VPS13B: variants seen among roughly 807,000 people sequenced by gnomAD.
VPS13B encodes intermembrane lipid transfer protein VPS13B.
In VPS13B, 285 loss-of-function variants were observed where a neutral mutation model predicts 426.4. The ratio of observed to expected loss-of-function variants is 0.67; its 90% CI spans 0.61 to 0.74. VPS13B has a LOEUF of 0.74. Ranked by LOEUF, VPS13B falls within the 30% of genes least tolerant of loss-of-function variation. The pLI is 0.00. For synonymous variants in VPS13B, 1,676 were observed against 1,676.4 expected (o/e 1.00, Z 0.01); for missense variants, 4,537 against 4,782.6 (o/e 0.95, Z 1.51).
intron 33 of VPS13B, among the ~76,000 whole-genome samples, chr8:99,589,625 T>C (rs941732662): frequency 1.3e-4 from 20 of 151,884 alleles, no homozygotes; most frequent in Non-Finnish European, 2.6e-4. Context: ...TTTCGGTTGG[T>C]TCCAAGTCTT....
intron 17 of VPS13B, among the ~76,000 whole-genome samples, chr8:99,215,410 G>A (rs1456333390): frequency 6.6e-6 from 1 of 152,282 alleles, no homozygotes; most frequent in Admixed American, 6.5e-5. Context: ...ATTCTTATCT[G>A]TGTCTAAAGT....
At chr8:99,060,977 C>T (rs940606394) in intron 3 of VPS13B, among the ~76,000 whole-genome samples, 1 of 152,118 alleles carries the variant, frequency 6.6e-6, no homozygotes, top group African/African-American at 2.4e-5. Flanking sequence ...GGGGTTGTAA[C>T]AGAAGTGCAA....
In VPS13B at chr8:99,611,276, G is replaced by A. The variant is rs1353355036; in HGVS notation, c.5221-30535G>A. Among the ~76,000 whole-genome samples, 3 of 152,100 alleles carry A rather than the reference G, an allele frequency of 2.0e-5. No homozygotes were observed. In the East Asian group the frequency reaches 5.8e-4, roughly 29 times the overall value. Reference sequence around the variant, plus strand: ...ATATAATAGACAGGAAATAAATTAAGTAGAGATATTTAGCTGGTTGAAATC... The same window carrying A: ...ATATAATAGACAGGAAATAAATTAAATAGAGATATTTAGCTGGTTGAAATC... On this transcript the variant is annotated intron_variant, in intron 33 of 61. Coordinates refer to ENST00000357162, the MANE Select transcript of VPS13B (RefSeq NM_152564.5).
chr8:99,683,514 T>G (rs933436680), intron 35 of VPS13B, among the ~76,000 whole-genome samples: 3 of 152,208 alleles, frequency 2.0e-5, no homozygotes, highest in Non-Finnish European at 4.4e-5. Flanking sequence ...TTTATGTTGG[T>G]CTTTTAAAAT....
intron 33 of VPS13B, among the ~76,000 whole-genome samples, chr8:99,625,219 G>A (rs1426374635): frequency 6.6e-6 from 1 of 152,014 alleles, no homozygotes; most frequent in Non-Finnish European, 1.5e-5. Context: ...ATCTAAACAG[G>A]AAAATTTTTA....
chr8:99,170,964 T>C (rs1205346985), intron 16 of VPS13B, among the ~76,000 whole-genome samples: 1 of 151,730 alleles, frequency 6.6e-6, no homozygotes, highest in East Asian at 1.9e-4. Flanking sequence ...AAATTAGCAT[T>C]AATTTCTTAT....
At chr8:99,221,488 T>C (rs1306362077) in intron 17 of VPS13B, among the ~76,000 whole-genome samples, 3 of 152,352 alleles carry the variant, frequency 2.0e-5, no homozygotes, top group African/African-American at 7.2e-5. Flanking sequence ...ATGTTAATTT[T>C]TTTAAAAGAG....
chr8:99,056,528 A>G (rs1270187815), intron 3 of VPS13B, among the ~76,000 whole-genome samples: 1 of 152,080 alleles, frequency 6.6e-6, no homozygotes. Flanking sequence ...TTCCTTGTCA[A>G]ATTTCTTTGT....
chr8:99,365,419 T>C (rs994831830), intron 19 of VPS13B, among the ~76,000 whole-genome samples: 1 of 151,798 alleles, frequency 6.6e-6, no homozygotes, highest in Non-Finnish European at 1.5e-5. Context: ...TAAACTTAGT[T>C]ATAAACTCCC....
intron 40 of VPS13B, among the ~76,000 whole-genome samples, chr8:99,772,870 G>A (rs1464909250): frequency 2.0e-5 from 3 of 152,222 alleles, no homozygotes; most frequent in South Asian, 2.1e-4. Flanking sequence ...GCACTCTCAC[G>A]GGATGGACAG....
rs796583167 is a variant in VPS13B, at chr8:99,055,623, A to AT, written c.291+17058dup. 4.7e-4 allele frequency among the ~76,000 whole-genome samples: 71 copies of AT among 152,142 alleles called. 1 individual carries two copies. Among genetic ancestry groups the AT allele is most frequent in the African/African-American group, 1.7e-3 (69 of 41,512 alleles). On this transcript the variant is annotated intron_variant, in intron 3 of 61. Transcript: ENST00000357162. ...TTCTTAGTTGAATTTATTCCTAGGTATATTATTATTTTGGGTGCTATTGTA... is the reference window on the plus strand; with the variant it reads ...TTCTTAGTTGAATTTATTCCTAGGTATTATTATTATTTTGGGTGCTATTGTA...
At chr8:99,308,428 T>A (rs1820758154) in intron 19 of VPS13B, among the ~76,000 whole-genome samples, 1 of 151,920 alleles carries the variant, frequency 6.6e-6, no homozygotes, top group African/African-American at 2.4e-5. Context: ...GAACATGCGG[T>A]GTTTGGTTTT....
At chr8:99,038,665 TCTTAG>T in intron 3 of VPS13B, 99 bp downstream of exon 3, 1 of 810,692 alleles carries the variant, frequency 1.2e-6, no homozygotes, top group South Asian at 1.7e-5. Flanking sequence ...CATAAACATA[TCTTAG>T]CTTATATACT....
At chr8:99,308,805 A>C (rs1459125430) in intron 19 of VPS13B, among the ~76,000 whole-genome samples, 1 of 152,162 alleles carries the variant, frequency 6.6e-6, no homozygotes, top group African/African-American at 2.4e-5. Flanking sequence ...CAACAGTGTA[A>C]AAGTGTTCCT....
chr8:99,063,905 G>A (rs1234068675), intron 3 of VPS13B, among the ~76,000 whole-genome samples: 1 of 152,162 alleles, frequency 6.6e-6, no homozygotes, highest in Non-Finnish European at 1.5e-5. Flanking sequence ...TTACTGTTGA[G>A]CAATATTTTC....
chr8:99,462,720 G>T (rs189124346), intron 23 of VPS13B, among the ~76,000 whole-genome samples: 75 of 152,266 alleles, frequency 4.9e-4, no homozygotes, highest in Non-Finnish European at 5.9e-5. Context: ...TGATGTTTAT[G>T]AGGTGGGGCA....
At chr8:99,269,992 TTA>T (rs1213692162) in intron 17 of VPS13B, among the ~76,000 whole-genome samples, 2 of 151,924 alleles carry the variant, frequency 1.3e-5, no homozygotes, top group Admixed American at 6.6e-5. Flanking sequence ...TAAGGAGAAA[TTA>T]TGACATTATG....
intron 33 of VPS13B, among the ~76,000 whole-genome samples, chr8:99,580,423 C>T (rs562813194): frequency 2.2e-4 from 34 of 151,226 alleles, no homozygotes; most frequent in Admixed American, 1.1e-3. Flanking sequence ...GAACTCCTGG[C>T]CTCAAGGGAT....
At chr8:99,771,220 A>T (rs1184513959) in intron 40 of VPS13B, among the ~76,000 whole-genome samples, 3 of 152,168 alleles carry the variant, frequency 2.0e-5, no homozygotes, top group Non-Finnish European at 2.9e-5. Flanking sequence ...TAAACTCTTG[A>T]TCTGTGCCAA....
Sources: gnomAD v4.1 joint callset for allele counts (sites outside exome capture counted in the v4.1 genomes callset) on GRCh38, gnomAD v4.1.1 for gene constraint, MANE v1.5 for transcripts, NCBI Gene and HGNC (gene_info 2026-07-23, HGNC 2026-07-21) for gene names.